The following SLC38A4 variants were observed in gnomAD, a reference collection of about 807,000 sequenced individuals.
The protein encoded by SLC38A4 is solute carrier family 38 member 4.
In SLC38A4, 20 loss-of-function variants were observed where a neutral mutation model predicts 63.1. The ratio of observed to expected loss-of-function variants is 0.32; its 90% CI spans 0.22 to 0.46. SLC38A4 has a LOEUF of 0.46. Among genes scored for constraint, SLC38A4 ranks in the 20% least tolerant of loss-of-function variants. The pLI is 1.00. For missense variants in SLC38A4, 526 were observed against 663.6 expected (o/e 0.79, Z 2.28); for synonymous variants, 230 against 225.5 (o/e 1.02, Z -0.18).
intron 1 of SLC38A4, among the ~76,000 whole-genome samples, chr12:46,822,964 A>G (rs1207446462): frequency 6.6e-6 from 1 of 152,246 alleles, no homozygotes; most frequent in African/African-American, 2.4e-5. Context: ...TTTAACATAT[A>G]GTTTAAAAGT....
At position 46,825,178 on chromosome 12, in the gene SLC38A4, TAA is replaced by T. The variant is rs1939623024; in HGVS notation, c.-305+723_-305+724del. Reference sequence around the variant, plus strand: ...TATAATTACTTTAATATACGAAGTTTAAATGTCAGCTTCCTGGGTTTAATATT... The same window carrying T: ...TATAATTACTTTAATATACGAAGTTTATGTCAGCTTCCTGGGTTTAATATT... On this transcript the variant is annotated intron_variant, in intron 1 of 16. Transcript: ENST00000266579. Among the ~76,000 whole-genome samples, 993 of 147,972 alleles carry T rather than the reference TAA, an allele frequency of 6.7e-3. 17 individuals are homozygous for T. The highest frequency in any genetic ancestry group is 0.011 in the Non-Finnish European group (757 of 66,208).
chr12:46,778,662 A>C lies in SLC38A4; in HGVS notation c.832T>G (p.Ser278Ala), dbSNP rs375195006. 184 of 1,612,978 alleles carry C rather than the reference A, an allele frequency of 1.1e-4. No individual in the cohort carries two copies. Among genetic ancestry groups the C allele is most frequent in the Non-Finnish European group, 1.4e-4 (161 of 1,179,416 alleles). ...PMHVVMLPNN[S>A]ESSDVNFMMD... ...ATGAAGTTCACATCAGAACTCTCAGAGTTGTTGGGTAACATTACCACATGC... is the reference window on the plus strand; with the variant it reads ...ATGAAGTTCACATCAGAACTCTCAGCGTTGTTGGGTAACATTACCACATGC... Residue 278 changes from serine to alanine, a missense_variant, in exon 11 of 17, where the codon TCT becomes GCT. Ser to Ala is a moderately conservative substitution (Grantham distance 99, BLOSUM62 1). Transcript: ENST00000266579.
chr12:46,830,292 TCTCTCTCACACA>T (rs985008001), upstream of SLC38A4, among the ~76,000 whole-genome samples: 1 of 119,162 alleles, frequency 8.4e-6, no homozygotes, highest in Non-Finnish European at 1.6e-5. Flanking sequence ...ATTCTCTCTC[TCTCTCTCACACA>T]CACACACACA....
intron 1 of SLC38A4, among the ~76,000 whole-genome samples, chr12:46,809,797 A>G (rs1296680002): frequency 1.3e-5 from 2 of 152,018 alleles, no homozygotes; most frequent in Non-Finnish European, 2.9e-5. Context: ...CAGACTTTGG[A>G]CAGATGGTAT....
chr12:46,787,442 A>T (rs1216583413), intron 5 of SLC38A4, among the ~76,000 whole-genome samples: 2 of 152,148 alleles, frequency 1.3e-5, no homozygotes, highest in Non-Finnish European at 2.9e-5. Flanking sequence ...AAGAAGGAAG[A>T]GAAGAGGGTT....
At chr12:46,827,393 G>C (rs74082908), upstream of SLC38A4, among the ~76,000 whole-genome samples, 272 of 152,300 alleles carry the variant, frequency 1.8e-3, 1 homozygote, top group African/African-American at 6.2e-3. Flanking sequence ...ATATGGTAAA[G>C]AGGTATGCAG....
chr12:46,794,821 G>A (rs1359206927), intron 2 of SLC38A4, among the ~76,000 whole-genome samples: 1 of 151,744 alleles, frequency 6.6e-6, no homozygotes, highest in Admixed American at 6.6e-5. Flanking sequence ...TAGAAATAAA[G>A]AAAGCAGTTC....
chr12:46,793,739 T>C (rs914586439), intron 2 of SLC38A4, among the ~76,000 whole-genome samples: 1 of 152,166 alleles, frequency 6.6e-6, no homozygotes, highest in African/African-American at 2.4e-5. Flanking sequence ...ACTTGGATCC[T>C]GAAGCCAAAG....
intron 1 of SLC38A4, among the ~76,000 whole-genome samples, chr12:46,825,551 G>C (rs1397162809): frequency 1.3e-5 from 2 of 152,098 alleles, no homozygotes; most frequent in Non-Finnish European, 2.9e-5. Flanking sequence ...TTGCTTTTCA[G>C]GCATTCACAA....
Position 46,784,524 on chromosome 12 carries a change from A to C in SLC38A4, c.493+18T>G, listed in dbSNP as rs180430. 7 of 1,588,414 alleles carry C rather than the reference A, an allele frequency of 4.4e-6. No individual in the cohort carries two copies. The highest frequency in any genetic ancestry group is 1.7e-6 in the Non-Finnish European group (2 of 1,165,532). On this transcript the variant is annotated intron_variant, in intron 7 of 16. Transcript: ENST00000266579. The stretch of plus-strand genomic sequence containing the variant: ...TATAGAAAGTTTATGGGATCCATTG[A>C]AAAGTATATCCCCTTACCTCCAATG...
intron 15 of SLC38A4, 109 bp downstream of exon 15, chr12:46,769,175 T>G: frequency 3.5e-5 from 43 of 1,233,960 alleles, no homozygotes; most frequent in Non-Finnish European, 4.7e-5. Flanking sequence ...AGGGAATCCA[T>G]GAGCCTGAGA....
intron 2 of SLC38A4, among the ~76,000 whole-genome samples, chr12:46,798,270 G>T (rs1025691817): frequency 3.3e-5 from 5 of 152,034 alleles, no homozygotes; most frequent in African/African-American, 1.2e-4. Flanking sequence ...AACATGCCTG[G>T]TAAGATTCTG....
chr12:46,777,569 TTTATGGGGAAAGTTTTGCTATTTAGTGA>T (rs2120768060), intron 12 of SLC38A4, among the ~76,000 whole-genome samples: 1 of 152,104 alleles, frequency 6.6e-6, no homozygotes, highest in Non-Finnish European at 1.5e-5. Context: ...TAAATCAGAA[TTTATGGGGAAAGTTTTGCTATTTAGTGA>T]GAATGAAGAC....
intron 13 of SLC38A4, among the ~76,000 whole-genome samples, 168 bp from the exon 14 acceptor site, chr12:46,775,341 C>G (rs1250332356): frequency 6.6e-6 from 1 of 151,998 alleles, no homozygotes; most frequent in Non-Finnish European, 1.5e-5. Context: ...AACCTTCATT[C>G]AAATGAACAA....
Position 46,765,408 on chromosome 12 carries a change from A to G in SLC38A4, c.*1293T>C, listed in dbSNP as rs187486562. On this transcript the variant is annotated 3_prime_UTR_variant, in exon 17 of 17. Coordinates refer to ENST00000266579, the MANE Select transcript of SLC38A4 (RefSeq NM_018018.5). ...CAAACACCTGTGTGAGCTAAACTGA[A>G]CTAAATCCTATTTTAGATATGCTAA... 6 of 334,324 alleles carry G rather than the reference A, an allele frequency of 1.8e-5. No individual in the cohort carries two copies. In the Admixed American group the frequency reaches 2.8e-4, roughly 15 times the overall value. 20.7% of individuals were successfully genotyped at this position (334,324 alleles called of 1,614,324 possible).
chr12:46,825,364 G>A (rs1236259343), intron 1 of SLC38A4, among the ~76,000 whole-genome samples: 1 of 148,990 alleles, frequency 6.7e-6, no homozygotes, highest in East Asian at 2.0e-4. Context: ...AAAGAATAAT[G>A]AAATATAGCA....
Position 46,788,540 on chromosome 12 carries a change from A to G in SLC38A4, c.198T>C (p.Tyr66=). 2 of 1,613,484 alleles carry G rather than the reference A, an allele frequency of 1.2e-6. No homozygotes were observed. The highest frequency in any genetic ancestry group is 2.2e-5 in the South Asian group (2 of 91,068). ...TAGATTCACTTACGTGTTCATCAGC[A>G]TAATCTGCCAGCTTCTTTTTCCCCA... ...GFLGKKKLAD[Y]ADEHHPGTTS... The change falls in exon 4 of 17, where the codon TAT becomes TAC. Residue 66 remains tyrosine (Y), a synonymous_variant. Transcript: ENST00000266579.
At chr12:46,831,661 T>C (rs940701977) in intron 1 of SLC38A4, among the ~76,000 whole-genome samples, 1 of 152,210 alleles carries the variant, frequency 6.6e-6, no homozygotes, top group Non-Finnish European at 1.5e-5. Context: ...CAGGTCAGAG[T>C]ACCCCGCCCG....
intron 16 of SLC38A4, 102 bp from the exon 17 acceptor site, chr12:46,766,904 C>A: frequency 2.8e-6 from 2 of 715,690 alleles, no homozygotes; most frequent in South Asian, 1.9e-5. Context: ...ATATATTGAG[C>A]CATATTATTC....
Sources: allele counts gnomAD v4.1 joint callset (sites outside exome capture counted in the v4.1 genomes callset), GRCh38; gene constraint gnomAD v4.1.1; transcripts MANE v1.5; gene names NCBI Gene and HGNC (gene_info 2026-07-23, HGNC 2026-07-21).